INSC: variants seen among roughly 807,000 people sequenced by gnomAD.
INSC encodes the protein INSC spindle orientation adaptor protein.
INSC carries 67 observed loss-of-function variants against 58.6 expected under a neutral mutation model. That is an observed-to-expected ratio of 1.14 (90% CI 0.94 to 1.40). INSC has a LOEUF of 1.40. Ranked by LOEUF, INSC falls within the 40% of genes most tolerant of loss-of-function variation. The pLI, the probability that INSC is intolerant of heterozygous loss-of-function variation, is 0.00. For synonymous variants in INSC, 262 were observed against 276.1 expected (o/e 0.95, Z 0.51); for missense variants, 714 against 692.0 (o/e 1.03, Z -0.36).
chr11:15,229,979 TTATA>T (rs1194544781), intron 9 of INSC, among the ~76,000 whole-genome samples: 763 of 32,568 alleles, frequency 0.023, 9 homozygotes, highest in Middle Eastern at 0.043. Flanking sequence ...TATATATATA[TTATA>T]TATATATATA....
At chr11:15,259,469 C>A in the INSC span, among the ~76,000 whole-genome samples, 1 of 152,118 alleles carries the variant, frequency 6.6e-6, no homozygotes, top group Non-Finnish European at 1.5e-5. Flanking sequence ...TAAAATGTTT[C>A]TCTTTTACTC....
intron 12 of INSC, among the ~76,000 whole-genome samples, chr11:15,241,888 T>C (rs547601560): frequency 2.0e-5 from 3 of 152,224 alleles, no homozygotes; most frequent in Non-Finnish European, 4.4e-5. Context: ...ATGTGGACCA[T>C]AAATGGTATT....
At chr11:15,152,288 T>C (rs1848678836) in intron 2 of INSC, among the ~76,000 whole-genome samples, 1 of 152,128 alleles carries the variant, frequency 6.6e-6, no homozygotes, top group Non-Finnish European at 1.5e-5. Flanking sequence ...GTAGGAAGAT[T>C]TGGAATCAGT....
At chr11:15,171,930 G>A (rs1246002906) in intron 2 of INSC, among the ~76,000 whole-genome samples, 1 of 152,196 alleles carries the variant, frequency 6.6e-6, no homozygotes, top group Non-Finnish European at 1.5e-5. Context: ...GCTGGATCAA[G>A]CACCAATTGT....
rs761797228 is a variant in INSC, at chr11:15,221,547, C to T, written c.890C>T (p.Ala297Val). The change falls in exon 8 of 13, where the codon GCT becomes GTT. Residue 297 changes from alanine (A) to valine (V), a missense_variant. Transcript: ENST00000379556. Reference sequence around the variant, plus strand: ...CACTCAGAGGCCACACGGGCTGAGGCTGCGGCTGTGGTGGCCCAGGTCACC... The same window carrying T: ...CACTCAGAGGCCACACGGGCTGAGGTTGCGGCTGTGGTGGCCCAGGTCACC... ...NSHSEATRAEAAAVVAQVTSP... is the reference protein window; with the variant it reads ...NSHSEATRAEVAAVVAQVTSP... 1 of 1,614,110 alleles carries T rather than the reference C, an allele frequency of 6.2e-7. No homozygotes were observed. The highest frequency in any genetic ancestry group is 1.1e-5 in the South Asian group (1 of 91,068).
chr11:15,140,061 G>T (rs966513721), intron 1 of INSC, among the ~76,000 whole-genome samples: 2 of 152,192 alleles, frequency 1.3e-5, no homozygotes, highest in Non-Finnish European at 2.9e-5. Flanking sequence ...AGGAGCCTGA[G>T]CTTTCCTCTG....
At chr11:15,257,904 G>T in the INSC span, among the ~76,000 whole-genome samples, 1 of 152,118 alleles carries the variant, frequency 6.6e-6, no homozygotes, top group Admixed American at 6.5e-5. Context: ...AAGCCACTTG[G>T]CTTATGGTAC....
intron 6 of INSC, among the ~76,000 whole-genome samples, chr11:15,192,092 G>T (rs141687582): frequency 1.3e-5 from 2 of 152,312 alleles, no homozygotes; most frequent in Non-Finnish European, 2.9e-5. Flanking sequence ...TTTAACTAAT[G>T]CTTCTCAATT....
chr11:15,128,239 G>A (rs1439276991), intron 1 of INSC, among the ~76,000 whole-genome samples: 2 of 152,080 alleles, frequency 1.3e-5, no homozygotes, highest in Admixed American at 6.5e-5. Flanking sequence ...CCCGCCAAAT[G>A]GCTGATTTTT....
At chr11:15,185,997 CT>C (rs35777316) in intron 5 of INSC, among the ~76,000 whole-genome samples, 32,486 of 151,986 alleles carry the variant, frequency 0.21, 3,737 homozygotes, top group South Asian at 0.29. Flanking sequence ...ATTATGAGGT[CT>C]ATTGTTCCCT....
chr11:15,201,914 C>T (rs565285795), intron 7 of INSC, among the ~76,000 whole-genome samples: 1 of 152,280 alleles, frequency 6.6e-6, no homozygotes, highest in South Asian at 2.1e-4. Flanking sequence ...CAAATAACTC[C>T]ACCCTACCCT....
chr11:15,167,095 TTCTG>T lies in INSC; in HGVS notation c.57-8642_57-8639del, dbSNP rs530700269. ...GACTTCAGAACTGCTTTTTGTCTAA[TTCTG>T]TCTATTTTTTTTTTTGCTAAACACA... On this transcript the variant is annotated intron_variant, in intron 2 of 12. Transcript: ENST00000379556. Among the ~76,000 whole-genome samples, 339 of 152,138 alleles carry T rather than the reference TTCTG, an allele frequency of 2.2e-3. 5 individuals carry two copies. The highest frequency in any genetic ancestry group is 5.6e-3 in the African/African-American group (233 of 41,390).
chr11:15,169,419 A>G (rs987040569), intron 2 of INSC, among the ~76,000 whole-genome samples: 5 of 152,194 alleles, frequency 3.3e-5, no homozygotes, highest in African/African-American at 1.2e-4. Flanking sequence ...CTCTTTAGCC[A>G]GGTTTCACCT....
intron 6 of INSC, among the ~76,000 whole-genome samples, chr11:15,199,206 A>G (rs1850484621): frequency 6.6e-6 from 1 of 152,238 alleles, no homozygotes; most frequent in South Asian, 2.1e-4. Context: ...ACATTTTTGA[A>G]TGCACGAATG....
intron 5 of INSC, among the ~76,000 whole-genome samples, chr11:15,189,596 G>C (rs1446478375): frequency 6.6e-6 from 1 of 152,128 alleles, no homozygotes; most frequent in Non-Finnish European, 1.5e-5. Flanking sequence ...TGCTCCAAGT[G>C]TTGCTCTTAA....
intron 6 of INSC, among the ~76,000 whole-genome samples, chr11:15,199,084 C>T (rs553748726): frequency 6.6e-6 from 1 of 152,288 alleles, no homozygotes; most frequent in African/African-American, 2.4e-5. Context: ...CAGCTTTGTA[C>T]CTGCTTTTAA....
chr11:15,113,251 C>G (rs1847618986), upstream of INSC, among the ~76,000 whole-genome samples: 1 of 152,000 alleles, frequency 6.6e-6, no homozygotes, highest in East Asian at 1.9e-4. Context: ...ACCTCCGACT[C>G]ATTGGTTCAA....
At chr11:15,142,432 C>T (rs1848393234) in intron 1 of INSC, among the ~76,000 whole-genome samples, 1 of 152,234 alleles carries the variant, frequency 6.6e-6, no homozygotes, top group Non-Finnish European at 1.5e-5. Context: ...CTTTTAGCCT[C>T]CTTTCCATCC....
chr11:15,222,190 G>A (rs1489419872), intron 8 of INSC, among the ~76,000 whole-genome samples: 1 of 152,146 alleles, frequency 6.6e-6, no homozygotes, highest in Non-Finnish European at 1.5e-5. Context: ...CCCCCAGCAG[G>A]AGAATCATAG....
Sources: allele counts gnomAD v4.1 joint callset (sites outside exome capture counted in the v4.1 genomes callset), GRCh38; gene constraint gnomAD v4.1.1; transcripts MANE v1.5; gene names NCBI Gene and HGNC (gene_info 2026-07-23, HGNC 2026-07-21).